The following ATL2 variants were observed in gnomAD, a reference collection of about 807,000 sequenced individuals.
ATL2 encodes the protein atlastin-2.
ATL2 carries 31 observed loss-of-function variants against 73.9 expected under a neutral mutation model. The ratio of observed to expected loss-of-function variants is 0.42; its 90% CI spans 0.32 to 0.57. The LOEUF (loss-of-function observed/expected upper bound fraction) is 0.57. Ranked by LOEUF, ATL2 falls within the 20% of genes least tolerant of loss-of-function variation. The pLI, the probability that ATL2 is intolerant of heterozygous loss-of-function variation, is 0.14. For missense variants in ATL2, 738 were observed against 702.6 expected (o/e 1.05, Z -0.57); for synonymous variants, 291 against 237.5 (o/e 1.23, Z -2.07).
intron 2 of ATL2, among the ~76,000 whole-genome samples, chr2:38,327,767 C>G (rs1488693110): frequency 6.6e-6 from 1 of 152,130 alleles, no homozygotes; most frequent in African/African-American, 2.4e-5. Context: ...GAAACCCCGT[C>G]TCTATTCAAA....
chr2:38,321,050 GA>G (rs1290173061), intron 2 of ATL2, among the ~76,000 whole-genome samples: 1 of 152,126 alleles, frequency 6.6e-6, no homozygotes. Flanking sequence ...AGCTACTTGG[GA>G]GGCTGAGGGA....
chr2:38,298,750 C>A (rs1255240428), intron 11 of ATL2, among the ~76,000 whole-genome samples, 175 bp from the exon 12 acceptor site: 7 of 152,128 alleles, frequency 4.6e-5, no homozygotes, highest in Non-Finnish European at 1.0e-4. Flanking sequence ...ATATGTTGAA[C>A]CTACTCAAGC....
Position 38,293,985 on chromosome 2 carries a change from C to A in ATL2, c.*2009G>T, listed in dbSNP as rs1312956495. On this transcript the variant is annotated 3_prime_UTR_variant, in exon 13 of 13. Transcript: ENST00000378954. ...TTTAAAAGTAAGCTGTCTTTAATTT[C>A]AGAAAATCTGCTATTATACAACAAA... Among the ~76,000 whole-genome samples, 3 of 152,172 alleles carry A rather than the reference C, an allele frequency of 2.0e-5. No homozygotes were observed. The highest frequency in any genetic ancestry group is 4.4e-5 in the Non-Finnish European group (3 of 68,030).
chr2:38,308,658 A>G (rs867320441), intron 9 of ATL2, among the ~76,000 whole-genome samples: 1 of 152,118 alleles, frequency 6.6e-6, no homozygotes, highest in Non-Finnish European at 1.5e-5. Context: ...TGGACACCCT[A>G]TTTACTCTAA....
At chr2:38,332,389 A>G (rs1395964116) in intron 2 of ATL2, among the ~76,000 whole-genome samples, 1 of 152,016 alleles carries the variant, frequency 6.6e-6, no homozygotes, top group Admixed American at 6.6e-5. Flanking sequence ...TGATTTTTGT[A>G]GAGATGGAGT....
At chr2:38,359,436 C>A (rs1223045573) in intron 1 of ATL2, 1 of 150,148 alleles carries the variant, frequency 6.7e-6, no homozygotes, top group Non-Finnish European at 1.5e-5. Flanking sequence ...CAAGATCCCG[C>A]CATTGCACTC....
In ATL2 at chr2:38,359,068, A is replaced by T. The variant is rs74401947; in HGVS notation, c.119-15556T>A. Among the ~76,000 whole-genome samples, 36 of 152,266 alleles carry T rather than the reference A, an allele frequency of 2.4e-4. No homozygotes were observed. The South Asian group carries it at 7.3e-3, about 31-fold the overall frequency. ...AATTACAAAAACAAAAATTTTAAAG[A>T]CTCCAGGAAACGACTTATTAACAAT... On this transcript the variant is annotated intron_variant, in intron 1 of 12. Transcript: ENST00000378954.
intron 1 of ATL2, among the ~76,000 whole-genome samples, chr2:38,353,179 G>C (rs767037491): frequency 6.6e-6 from 1 of 152,146 alleles, no homozygotes; most frequent in South Asian, 2.1e-4. Context: ...ACCAGATACT[G>C]TAAATACGTT....
chr2:38,303,314 T>G (rs1420100936), intron 9 of ATL2, among the ~76,000 whole-genome samples: 1 of 152,024 alleles, frequency 6.6e-6, no homozygotes, highest in African/African-American at 2.4e-5. Context: ...CAAAGGATCC[T>G]CCTACCTCAG....
At chr2:38,371,391 T>G (rs532813646) in intron 1 of ATL2, among the ~76,000 whole-genome samples, 2 of 151,942 alleles carry the variant, frequency 1.3e-5, no homozygotes, top group African/African-American at 4.8e-5. Context: ...TCCTGTAGTC[T>G]TAGTTACTGA....
chr2:38,300,890 A>AAAC (rs1553327971), intron 9 of ATL2, among the ~76,000 whole-genome samples: 1 of 151,808 alleles, frequency 6.6e-6, no homozygotes, highest in African/African-American at 2.4e-5. Flanking sequence ...GAAAAAAAAA[A>AAAC]AAAAAACTAA....
intron 9 of ATL2, among the ~76,000 whole-genome samples, chr2:38,302,571 G>C (rs1288348570): frequency 6.6e-6 from 1 of 152,166 alleles, no homozygotes; most frequent in African/African-American, 2.4e-5. Flanking sequence ...GGCCACAATG[G>C]TGCTTGTGTC....
rs189203556 is a variant in ATL2, at chr2:38,347,984, C to A, written c.119-4472G>T. Among the ~76,000 whole-genome samples, 93 of 151,694 alleles carry A rather than the reference C, an allele frequency of 6.1e-4. 1 individual carries two copies. The highest frequency in any genetic ancestry group is 2.2e-3 in the African/African-American group (90 of 41,382). ...GTTTCCCCATGTTGGCCAGGCTGGA[C>A]TCAAACTCCTGACCTCAGGTGATCC... On this transcript the variant is annotated intron_variant, in intron 1 of 12. Coordinates refer to ENST00000378954, the MANE Select transcript of ATL2 (RefSeq NM_001135673.4).
chr2:38,372,190 T>C lies in ATL2; in HGVS notation c.118+4953A>G, dbSNP rs151331715. Among the ~76,000 whole-genome samples, 57 of 151,718 alleles carry C rather than the reference T, an allele frequency of 3.8e-4. No homozygotes were observed. The East Asian group carries it at 9.1e-3, about 24-fold the overall frequency. ...AAGTTAGATTTTGCAGATTTACTGT[T>C]TGAAAAGCCAATGCACTATACAGTC... On this transcript the variant is annotated intron_variant, in intron 1 of 12. Coordinates refer to ENST00000378954, the MANE Select transcript of ATL2 (RefSeq NM_001135673.4).
At chr2:38,376,959 G>C (rs904189178) in intron 1 of ATL2, among the ~76,000 whole-genome samples, 184 bp downstream of exon 1, 1 of 151,078 alleles carries the variant, frequency 6.6e-6, no homozygotes, top group African/African-American at 2.4e-5. Flanking sequence ...GCCCTTTCAG[G>C]CCGCGCGCTG....
rs1667699917 is a variant in ATL2, at chr2:38,310,524, CATGCACACT to C, written c.805-86_805-78del. ...TTTAAAGAAAATGCACACAGACTCG[CATGCACACT>C]ATGCACACTTAACTCAGATGGTACT... On this transcript the variant is annotated intron_variant, in intron 7 of 12. Transcript: ENST00000378954. 7.7e-6 allele frequency: 10 copies of C among 1,297,880 alleles called. 1 individual carries two copies. The African/African-American group carries it at 9.0e-5, about 12-fold the overall frequency. 80.4% of individuals were successfully genotyped at this position (1,297,880 alleles called of 1,614,324 possible). A position where few individuals can be genotyped will look rare whatever the true frequency, so the allele number is the denominator to read the frequency against.
chr2:38,336,251 C>T (rs1352468233), intron 2 of ATL2, among the ~76,000 whole-genome samples: 1 of 152,158 alleles, frequency 6.6e-6, no homozygotes, highest in Non-Finnish European at 1.5e-5. Flanking sequence ...GTGCTTGTGG[C>T]AAGTTATATG....
chr2:38,335,252 C>G (rs926149178), intron 2 of ATL2, among the ~76,000 whole-genome samples: 2 of 151,932 alleles, frequency 1.3e-5, no homozygotes, highest in African/African-American at 4.8e-5. Context: ...TGGGTATAAA[C>G]CCAACAGAAT....
intron 1 of ATL2, among the ~76,000 whole-genome samples, chr2:38,360,128 CAAAAAAAAAAA>C (rs755582696): frequency 3.7e-5 from 3 of 81,962 alleles, no homozygotes; most frequent in South Asian, 7.3e-4. Flanking sequence ...GGCTCCATTT[CAAAAAAAAAAA>C]AAAAAAAAAA....
Sources: allele counts gnomAD v4.1 joint callset (sites outside exome capture counted in the v4.1 genomes callset), GRCh38; gene constraint gnomAD v4.1.1; transcripts MANE v1.5; gene names NCBI Gene and HGNC (gene_info 2026-07-23, HGNC 2026-07-21).